The following RIN3 variants were observed in gnomAD, a reference collection of about 807,000 sequenced individuals.
The protein encoded by RIN3 is Ras and Rab interactor 3.
In RIN3, 54 loss-of-function variants were observed where a neutral mutation model predicts 76.3. That is an observed-to-expected ratio of 0.71 (90% CI 0.57 to 0.89). The LOEUF (loss-of-function observed/expected upper bound fraction) is 0.89. Ranked by LOEUF, RIN3 falls within the 40% of genes least tolerant of loss-of-function variation. RIN3 has a pLI of 0.00. For synonymous variants in RIN3, 576 were observed against 564.0 expected, an observed-to-expected ratio of 1.02 and a Z score of -0.30; for missense variants, 1,256 against 1,322.1, an observed-to-expected ratio of 0.95 and a Z score of 0.78.
chr14:92,570,345 C>G (rs1359261557), intron 2 of RIN3, among the ~76,000 whole-genome samples: 2 of 151,886 alleles, frequency 1.3e-5, no homozygotes, highest in Non-Finnish European at 2.9e-5. Context: ...CACACACACA[C>G]TCACACACAC....
chr14:92,685,351 G>C lies in RIN3; in HGVS notation c.2631+201G>C, dbSNP rs1037303158. The C allele has an allele frequency of 6.8e-6, 4 of 588,478 alleles. No individual in the cohort carries two copies. The African/African-American group carries it at 7.4e-5, about 11-fold the overall frequency. The allele number at this position is 588,478 out of a possible 1,614,324, so 36.5% of individuals were successfully genotyped here. On this transcript the variant is annotated intron_variant, in intron 9 of 9. Transcript: ENST00000216487. This position sits in a 1 kb window ranked among gnomAD's most constrained non-coding sequence, Gnocchi z 4.7. ...TGTGTCCAGGACTTGGGTGCGTCTA[G>C]AAACATATCAGCAGGCATTGGTGTT...
intron 7 of RIN3, among the ~76,000 whole-genome samples, chr14:92,675,928 T>C (rs1433138472): frequency 6.6e-6 from 1 of 152,130 alleles, no homozygotes; most frequent in Non-Finnish European, 1.5e-5. Flanking sequence ...AGTGATGAGA[T>C]GATACTTCGA....
At chr14:92,570,478 T>C (rs569706120) in intron 2 of RIN3, among the ~76,000 whole-genome samples, 12 of 152,048 alleles carry the variant, frequency 7.9e-5, no homozygotes, top group Admixed American at 2.0e-4. Context: ...GCCTGGCCAA[T>C]ATGATGAAGC....
Position 92,601,987 on chromosome 14 carries a change from A to G in RIN3, c.368-13420A>G, listed in dbSNP as rs143943876. Among the ~76,000 whole-genome samples the G allele has an allele frequency of 4.6e-5, 7 of 152,372 alleles. No individual in the cohort carries two copies. In the East Asian group the frequency reaches 1.3e-3, roughly 29 times the overall value. On this transcript the variant is annotated intron_variant, in intron 3 of 9. Transcript: ENST00000216487. Reference sequence around the variant, plus strand: ...ATCTACGCACTTGCTCAATACGAAGAGCAGCTTCCAAGAAAAGGAATCTTT... The same window carrying G: ...ATCTACGCACTTGCTCAATACGAAGGGCAGCTTCCAAGAAAAGGAATCTTT...
chr14:92,651,297 G>T (rs1333826841), intron 5 of RIN3, among the ~76,000 whole-genome samples: 1 of 152,094 alleles, frequency 6.6e-6, no homozygotes. Context: ...TCCAATGTGG[G>T]CTCTCACACC....
chr14:92,514,175 C>G lies in RIN3; in HGVS notation c.44+199C>G, dbSNP rs922886926. Among the ~76,000 whole-genome samples, 2 of 152,172 alleles carry G rather than the reference C, an allele frequency of 1.3e-5. No individual in the cohort carries two copies. The highest frequency in any genetic ancestry group is 4.8e-5 in the African/African-American group (2 of 41,444). Reference sequence around the variant, plus strand: ...GGCGGCCCTGGTGACTCCGCTGGACCCGATGTTGGCTAAACTTTCAAGGCC... The same window carrying G: ...GGCGGCCCTGGTGACTCCGCTGGACGCGATGTTGGCTAAACTTTCAAGGCC... On this transcript the variant is annotated intron_variant, in intron 1 of 9. Transcript: ENST00000216487. The surrounding 1 kb of genome is among the most constrained non-coding windows in gnomAD (Gnocchi z 7.2).
chr14:92,639,928 CTGCCTGACTGTGCGTTTGCTGGGAGA>C (rs1886933713), intron 4 of RIN3, among the ~76,000 whole-genome samples: 1 of 72,582 alleles, frequency 1.4e-5, no homozygotes, highest in East Asian at 3.4e-4. Flanking sequence ...TCGTCGGGGG[CTGCCTGACTGTGCGTTTGCTGGGAGA>C]TGCCTGACTG....
chr14:92,526,567 A>C (rs1186225664), intron 1 of RIN3, among the ~76,000 whole-genome samples: 1 of 151,674 alleles, frequency 6.6e-6, no homozygotes, highest in East Asian at 1.9e-4. Flanking sequence ...ATCCTGGCCA[A>C]CATGGTGAAA....
chr14:92,676,535 A>G lies in RIN3; in HGVS notation c.2396A>G (p.Asn799Ser), dbSNP rs1888468056. ...CTCATGTATGTGCTGGCCCGCAGCAACCTCACGGAGATGCTTCTCAATGTG... is the reference window on the plus strand; with the variant it reads ...CTCATGTATGTGCTGGCCCGCAGCAGCCTCACGGAGATGCTTCTCAATGTG... Reference protein sequence around the residue: ...PVLMYVLARSNLTEMLLNVEY... With the variant: ...PVLMYVLARSSLTEMLLNVEY... The change falls in exon 8 of 10, where the codon AAC becomes AGC. Residue 799 changes from asparagine to serine, a missense_variant. Physicochemically the swap from Asn to Ser is conservative, Grantham distance 46 (BLOSUM62 1). Around this residue, in one of 3 missense-constraint regions of RIN3, gnomAD observed 428 missense variants for 521.2 expected, o/e 0.82. Coordinates refer to ENST00000216487, the MANE Select transcript of RIN3 (RefSeq NM_024832.5). 1 of 1,614,046 alleles carries G rather than the reference A, an allele frequency of 6.2e-7. No homozygotes were observed. Among genetic ancestry groups the G allele is most frequent in the Non-Finnish European group, 8.5e-7 (1 of 1,179,976 alleles).
In RIN3 at chr14:92,688,308, G is replaced by GC; in HGVS notation, c.*57dup. Reference sequence around the variant, plus strand: ...AGGCGCACGTCTGGCCCCGCCTCTGGCTGCGCACTCCCGACCGCGACGTCC... The same window carrying GC: ...AGGCGCACGTCTGGCCCCGCCTCTGGCCTGCGCACTCCCGACCGCGACGTCC... On this transcript the variant is annotated 3_prime_UTR_variant, in exon 10 of 10. Coordinates refer to ENST00000216487, the MANE Select transcript of RIN3 (RefSeq NM_024832.5). 1 of 1,447,062 alleles carries GC rather than the reference G, an allele frequency of 6.9e-7. No individual in the cohort carries two copies. Among genetic ancestry groups the GC allele is most frequent in the South Asian group, 1.4e-5 (1 of 73,942 alleles). 89.6% of individuals were successfully genotyped at this position (1,447,062 alleles called of 1,614,324 possible).
At position 92,592,475 on chromosome 14, in the gene RIN3, C is replaced by T. The variant is rs116389337; in HGVS notation, c.367+14998C>T. Among the ~76,000 whole-genome samples the T allele has an allele frequency of 7.7e-3, 1,156 of 150,872 alleles. 14 individuals are homozygous for T. The highest frequency in any genetic ancestry group is 0.027 in the African/African-American group (1,103 of 41,040). ...TGATTCCAGGACCACCTTCACAATTCCAAAATCAGTAGGTACTTGAGTCTC... is the reference window on the plus strand; with the variant it reads ...TGATTCCAGGACCACCTTCACAATTTCAAAATCAGTAGGTACTTGAGTCTC... On this transcript the variant is annotated intron_variant, in intron 3 of 9. Transcript: ENST00000216487.
chr14:92,611,589 G>A (rs895177578), intron 3 of RIN3, among the ~76,000 whole-genome samples: 4 of 152,110 alleles, frequency 2.6e-5, no homozygotes, highest in Non-Finnish European at 5.9e-5. Context: ...CCAACCGTTG[G>A]ATTTAGGGCC....
chr14:92,676,666 G>A (rs1425512597), intron 8 of RIN3, 60 bp downstream of exon 8: 25 of 1,575,916 alleles, frequency 1.6e-5, no homozygotes, highest in African/African-American at 5.4e-5. Flanking sequence ...GCCACGCCAC[G>A]GGCACTCTAG....
At chr14:92,515,871 C>T (rs1421879686) in intron 1 of RIN3, among the ~76,000 whole-genome samples, 1 of 152,142 alleles carries the variant, frequency 6.6e-6, no homozygotes, top group Non-Finnish European at 1.5e-5. Flanking sequence ...TTTGGAGGAC[C>T]TTTTGGGTTG....
chr14:92,679,048 G>C (rs1566902108), intron 8 of RIN3, among the ~76,000 whole-genome samples: 1 of 152,204 alleles, frequency 6.6e-6, no homozygotes, highest in African/African-American at 2.4e-5. Flanking sequence ...AAGCCTAGGG[G>C]ATTTGGGTGA....
intron 3 of RIN3, among the ~76,000 whole-genome samples, chr14:92,599,123 C>T (rs1885253249): frequency 6.6e-6 from 1 of 152,202 alleles, no homozygotes; most frequent in African/African-American, 2.4e-5. Context: ...ACTCGCAGGG[C>T]AATGTGCATC....
At chr14:92,668,133 C>G (rs1050849169) in intron 7 of RIN3, among the ~76,000 whole-genome samples, 2 of 152,144 alleles carry the variant, frequency 1.3e-5, no homozygotes, top group African/African-American at 4.8e-5. Flanking sequence ...GTGATTATCC[C>G]CATTTTACAG....
At chr14:92,570,520 G>A (rs948027661) in intron 2 of RIN3, among the ~76,000 whole-genome samples, 2 of 152,130 alleles carry the variant, frequency 1.3e-5, no homozygotes, top group African/African-American at 2.4e-5. Context: ...AAATTAGCCA[G>A]GCATGGTAGT....
At chr14:92,604,126 A>G (rs1885442713) in intron 3 of RIN3, among the ~76,000 whole-genome samples, 3 of 152,180 alleles carry the variant, frequency 2.0e-5, no homozygotes, top group African/African-American at 7.2e-5. Context: ...GGCCTGTAGG[A>G]TGGCCCACAG....
Sources: allele counts gnomAD v4.1 joint callset (sites outside exome capture counted in the v4.1 genomes callset), GRCh38; gene constraint gnomAD v4.1.1; regional missense constraint gnomAD v4.1.1; non-coding constraint Gnocchi (gnomAD v3.1); transcripts MANE v1.5; gene names NCBI Gene and HGNC (gene_info 2026-07-23, HGNC 2026-07-21).